Variants in AGBL1 observed in about 807,000 individuals in gnomAD.
The protein encoded by AGBL1 is cytosolic carboxypeptidase 4.
In AGBL1, 130 loss-of-function variants were observed where a neutral mutation model predicts 118.9. The observed-to-expected ratio is 1.09, with a 90% CI of 0.95 to 1.26. The LOEUF (loss-of-function observed/expected upper bound fraction) is 1.26, where lower values mean the gene tolerates loss of function less well. Ranked by LOEUF, AGBL1 falls within the 50% of genes most tolerant of loss-of-function variation. The pLI, the probability that AGBL1 is intolerant of heterozygous loss-of-function variation, is 0.00. For synonymous variants in AGBL1, 555 were observed against 478.9 expected (o/e 1.16, Z -2.08); for missense variants, 1,584 against 1,298.1 (o/e 1.22, Z -3.38).
At chr15:86,957,300 C>A (rs1175704898) in intron 23 of AGBL1, among the ~76,000 whole-genome samples, 5 of 152,052 alleles carry the variant, frequency 3.3e-5, no homozygotes, top group Non-Finnish European at 1.5e-5. Flanking sequence ...CTGAGTTCAG[C>A]CATTTCCTCT....
chr15:86,846,995 C>A (rs1334724247), intron 22 of AGBL1, among the ~76,000 whole-genome samples: 4 of 151,960 alleles, frequency 2.6e-5, no homozygotes, highest in Non-Finnish European at 5.9e-5. Context: ...TAAATAATTT[C>A]TATTGATCTA....
intron 17 of AGBL1, among the ~76,000 whole-genome samples, chr15:86,328,541 C>G (rs1046168365): frequency 6.6e-6 from 1 of 152,134 alleles, no homozygotes; most frequent in East Asian, 1.9e-4. Context: ...CAAAGATAAA[C>G]TCTGTGAGCC....
chr15:87,003,898 A>G (rs1422024083), intron 24 of AGBL1, among the ~76,000 whole-genome samples: 4 of 152,000 alleles, frequency 2.6e-5, no homozygotes, highest in African/African-American at 9.7e-5. Flanking sequence ...CAATTTGTTG[A>G]TCTTTTCAAA....
At chr15:86,591,626 A>T (rs979002937) in intron 21 of AGBL1, among the ~76,000 whole-genome samples, 8 of 152,292 alleles carry the variant, frequency 5.3e-5, no homozygotes, top group Non-Finnish European at 1.2e-4. Flanking sequence ...AGTATGGAGG[A>T]AGTGGCACAG....
At chr15:86,568,586 G>A (rs988385887) in intron 21 of AGBL1, among the ~76,000 whole-genome samples, 3 of 152,246 alleles carry the variant, frequency 2.0e-5, no homozygotes, top group Non-Finnish European at 4.4e-5. Flanking sequence ...TAAATCTTCT[G>A]TGACTGCATG....
intron 23 of AGBL1, among the ~76,000 whole-genome samples, chr15:86,974,468 ATTT>A: frequency 8.1e-6 from 1 of 124,222 alleles, no homozygotes; most frequent in African/African-American, 3.0e-5. Flanking sequence ...ATATAAACAT[ATTT>A]TATATATTGA....
intron 23 of AGBL1, among the ~76,000 whole-genome samples, chr15:86,951,361 C>T (rs2080879131): frequency 6.6e-6 from 1 of 152,186 alleles, no homozygotes; most frequent in African/African-American, 2.4e-5. Context: ...TACTTACGTT[C>T]ATCAAAAGTC....
intron 23 of AGBL1, among the ~76,000 whole-genome samples, chr15:86,934,910 A>T (rs1447869419): frequency 6.6e-6 from 1 of 152,342 alleles, no homozygotes; most frequent in South Asian, 2.1e-4. Context: ...ACGATAAGAC[A>T]TACTCCAGAT....
Position 87,012,281 on chromosome 15 carries a change from A to G in AGBL1, c.3324-16544A>G, listed in dbSNP as rs16939682. Reference sequence around the variant, plus strand: ...CAAGCTAGGTTAAAAAAAAAATCCAACAAGAATGTAGTAACATAAAGCTAA... The same window carrying G: ...CAAGCTAGGTTAAAAAAAAAATCCAGCAAGAATGTAGTAACATAAAGCTAA... On this transcript the variant is annotated intron_variant, in intron 24 of 24. Transcript: ENST00000441037. Among the ~76,000 whole-genome samples the G allele has an allele frequency of 4.4e-3, 670 of 151,974 alleles. 5 individuals carry two copies. The highest frequency in any genetic ancestry group is 0.016 in the African/African-American group (643 of 41,444).
At chr15:86,896,583 G>GT (rs1416064122) in intron 22 of AGBL1, among the ~76,000 whole-genome samples, 1 of 151,906 alleles carries the variant, frequency 6.6e-6, no homozygotes, top group Admixed American at 6.6e-5. Context: ...TTCTAACTTT[G>GT]TTGCGTTGCT....
rs994028933 is a variant in AGBL1 at position 86,684,983 on chromosome 15, G to A, written c.3158+10547G>A. Among the ~76,000 whole-genome samples, 3 of 152,134 alleles carry A rather than the reference G, an allele frequency of 2.0e-5. No individual in the cohort carries two copies. In the East Asian group the frequency reaches 5.8e-4, roughly 29 times the overall value. ...CTGGATAGATGATAAAGAAACAGAAGCCTTACTAGTGCATGGGTAACAGAA... is the reference window on the plus strand; with the variant it reads ...CTGGATAGATGATAAAGAAACAGAAACCTTACTAGTGCATGGGTAACAGAA... On this transcript the variant is annotated intron_variant, in intron 22 of 22. Coordinates refer to ENST00000614907, the MANE Select transcript of AGBL1 (RefSeq NM_001386094.1).
chr15:86,180,326 G>T (rs1163738338), intron 5 of AGBL1, among the ~76,000 whole-genome samples: 1 of 152,002 alleles, frequency 6.6e-6, no homozygotes, highest in Non-Finnish European at 1.5e-5. Flanking sequence ...AAGATAGTGG[G>T]GTATCAGTGT....
At chr15:86,782,278 A>G (rs950891676) in intron 22 of AGBL1, among the ~76,000 whole-genome samples, 2 of 151,290 alleles carry the variant, frequency 1.3e-5, no homozygotes, top group South Asian at 2.1e-4. Context: ...TAAAACAATG[A>G]AGAGTACTAT....
At position 86,911,116 on chromosome 15, in the gene AGBL1, A is replaced by G. The variant is rs1328131932; in HGVS notation, c.*3822A>G. 2.6e-5 allele frequency: 4 copies of G among 152,398 alleles called. No individual in the cohort carries two copies. The highest frequency in any genetic ancestry group is 6.5e-5 in the Admixed American group (1 of 15,278). 9.4% of individuals were successfully genotyped at this position (152,398 alleles called of 1,614,324 possible). A position where few individuals can be genotyped will look rare whatever the true frequency, so the allele number is the denominator to read the frequency against. On this transcript the variant is annotated 3_prime_UTR_variant, in exon 23 of 23. Coordinates refer to ENST00000614907, the MANE Select transcript of AGBL1 (RefSeq NM_001386094.1). ...AGTTGTAGGCCATAATGGGAAGCAAATGTGGTCCAAAATGTGCAGAGGAGA... is the reference window on the plus strand; with the variant it reads ...AGTTGTAGGCCATAATGGGAAGCAAGTGTGGTCCAAAATGTGCAGAGGAGA...
At chr15:86,779,974 T>A (rs924054530) in intron 22 of AGBL1, among the ~76,000 whole-genome samples, 5 of 151,978 alleles carry the variant, frequency 3.3e-5, no homozygotes, top group African/African-American at 1.2e-4. Context: ...GTCAGTATGT[T>A]TTATTTCTGA....
intron 6 of AGBL1, among the ~76,000 whole-genome samples, chr15:86,227,245 A>G (rs1246213700): frequency 6.6e-6 from 1 of 152,256 alleles, no homozygotes; most frequent in Non-Finnish European, 1.5e-5. Context: ...CTCCACATAT[A>G]AAACGGGTTT....
At chr15:86,548,127 G>A (rs979070639) in intron 20 of AGBL1, among the ~76,000 whole-genome samples, 1 of 152,076 alleles carries the variant, frequency 6.6e-6, no homozygotes, top group Non-Finnish European at 1.5e-5. Context: ...TTGAGACTCA[G>A]GGGAGAATGT....
chr15:86,848,479 A>G (rs1238734654), intron 22 of AGBL1, among the ~76,000 whole-genome samples: 2 of 152,184 alleles, frequency 1.3e-5, no homozygotes, highest in Non-Finnish European at 2.9e-5. Context: ...CATTTCTGTT[A>G]TATGGTATCA....
chr15:86,906,814 T>TC (rs142328418), intron 22 of AGBL1, among the ~76,000 whole-genome samples: 3,374 of 152,004 alleles, frequency 0.022, 76 homozygotes, highest in Admixed American at 0.063. Context: ...GTTACAACTT[T>TC]CCCCCCCAAG....
Sources: gnomAD v4.1 joint callset for allele counts (sites outside exome capture counted in the v4.1 genomes callset) on GRCh38, gnomAD v4.1.1 for gene constraint, MANE v1.5 for transcripts, NCBI Gene and HGNC (gene_info 2026-07-23, HGNC 2026-07-21) for gene names.